LUZP2: variants seen among roughly 807,000 people sequenced by gnomAD.
LUZP2 encodes the protein leucine zipper protein 2.
A neutral mutation model predicts 51.6 loss-of-function variants in LUZP2; 52 were observed. That is an observed-to-expected ratio of 1.01 (90% CI 0.81 to 1.27). The LOEUF (loss-of-function observed/expected upper bound fraction) is 1.27, where lower values mean the gene tolerates loss of function less well. Ranked by LOEUF, LUZP2 falls within the 50% of genes most tolerant of loss-of-function variation. The pLI, the probability that LUZP2 is intolerant of heterozygous loss-of-function variation, is 0.00. For synonymous variants in LUZP2, 154 were observed against 137.3 expected, an observed-to-expected ratio of 1.12 and a Z score of -0.85; for missense variants, 436 against 395.4, an observed-to-expected ratio of 1.10 and a Z score of -0.87.
intron 5 of LUZP2, among the ~76,000 whole-genome samples, chr11:24,875,552 G>A (rs376148063): frequency 7.6e-5 from 11 of 145,554 alleles, no homozygotes; most frequent in Middle Eastern, 3.5e-3. Context: ...GAATAGTGCC[G>A]CAATAAACAT....
intron 10 of LUZP2, among the ~76,000 whole-genome samples, chr11:25,074,768 T>C (rs1420653833): frequency 1.3e-5 from 2 of 152,114 alleles, no homozygotes; most frequent in African/African-American, 4.8e-5. Flanking sequence ...ACCCCATATT[T>C]ATAGGACAGA....
intron 5 of LUZP2, among the ~76,000 whole-genome samples, chr11:24,805,839 G>T (rs1030935545): frequency 6.6e-6 from 1 of 152,168 alleles, no homozygotes; most frequent in Admixed American, 6.5e-5. Flanking sequence ...GCCAGTTGAG[G>T]ATGATGTAGG....
At chr11:24,935,684 A>T (rs915393064) in intron 7 of LUZP2, among the ~76,000 whole-genome samples, 8 of 152,170 alleles carry the variant, frequency 5.3e-5, no homozygotes, top group African/African-American at 1.9e-4. Flanking sequence ...AAAAAGAAAG[A>T]TTAGTGAAAA....
intron 10 of LUZP2, among the ~76,000 whole-genome samples, chr11:25,059,732 AG>A (rs1389323976): frequency 6.6e-6 from 1 of 152,196 alleles, no homozygotes; most frequent in African/African-American, 2.4e-5. Context: ...TAAACACAAA[AG>A]GAGGAGAGGA....
chr11:25,024,611 A>G (rs891949944), intron 9 of LUZP2, among the ~76,000 whole-genome samples: 25 of 152,160 alleles, frequency 1.6e-4, no homozygotes, highest in Admixed American at 1.0e-3. Flanking sequence ...GACCTCTTCA[A>G]GGAGAACTAC....
intron 9 of LUZP2, among the ~76,000 whole-genome samples, chr11:25,030,377 T>C (rs1857609232): frequency 6.6e-6 from 1 of 152,148 alleles, no homozygotes; most frequent in Admixed American, 6.6e-5. Flanking sequence ...TTTGCTCTTA[T>C]TAGCAATGCA....
intron 7 of LUZP2, among the ~76,000 whole-genome samples, chr11:24,959,061 T>A (rs1855304821): frequency 6.6e-6 from 1 of 152,194 alleles, no homozygotes; most frequent in Non-Finnish European, 1.5e-5. Context: ...GATGAGATAG[T>A]TATAGATGTG....
chr11:25,067,310 T>A (rs952554877), intron 10 of LUZP2, among the ~76,000 whole-genome samples: 5 of 152,092 alleles, frequency 3.3e-5, no homozygotes, highest in Admixed American at 3.3e-4. Flanking sequence ...TTGCAAAAAT[T>A]TTCTCCCATT....
At chr11:24,602,488 T>C (rs150165433) in intron 1 of LUZP2, among the ~76,000 whole-genome samples, 1 of 149,938 alleles carries the variant, frequency 6.7e-6, no homozygotes, top group Non-Finnish European at 1.5e-5. Flanking sequence ...AAAGTTAAAA[T>C]TGGACCTAAT....
chr11:24,918,673 GA>G (rs1853885172), intron 7 of LUZP2, among the ~76,000 whole-genome samples: 1 of 150,514 alleles, frequency 6.6e-6, no homozygotes, highest in Admixed American at 6.7e-5. Flanking sequence ...TATCATTGAA[GA>G]AAAATTTCAA....
chr11:24,523,618 A>T (rs894025451), intron 1 of LUZP2, among the ~76,000 whole-genome samples: 2 of 151,266 alleles, frequency 1.3e-5, no homozygotes, highest in African/African-American at 4.8e-5. Context: ...ATTTAGATTG[A>T]CTATTTAGCT....
At chr11:24,586,948 A>G (rs1278493708) in intron 1 of LUZP2, among the ~76,000 whole-genome samples, 1 of 152,096 alleles carries the variant, frequency 6.6e-6, no homozygotes, top group East Asian at 1.9e-4. Context: ...AAAAGTTTCT[A>G]CTCTTAGGTA....
intron 9 of LUZP2, among the ~76,000 whole-genome samples, chr11:24,991,971 C>G (rs1856360561): frequency 6.6e-6 from 1 of 151,798 alleles, no homozygotes; most frequent in African/African-American, 2.4e-5. Context: ...GATATTAGTC[C>G]TTTGTCAGAT....
intron 1 of LUZP2, among the ~76,000 whole-genome samples, chr11:24,618,577 A>G (rs1429161364): frequency 1.3e-5 from 2 of 152,148 alleles, no homozygotes; most frequent in African/African-American, 2.4e-5. Flanking sequence ...TGGAGCTTCT[A>G]CTTGTCTATA....
At chr11:24,834,133 T>C (rs1361148752) in intron 5 of LUZP2, among the ~76,000 whole-genome samples, 1 of 152,050 alleles carries the variant, frequency 6.6e-6, no homozygotes, top group Non-Finnish European at 1.5e-5. Flanking sequence ...AATGTGCAGG[T>C]TTTTTACATA....
intron 5 of LUZP2, among the ~76,000 whole-genome samples, chr11:24,816,005 TTA>T (rs1491539154): frequency 2.5e-5 from 2 of 78,890 alleles, no homozygotes; most frequent in African/African-American, 1.3e-4. Context: ...TCTTTTTTTT[TTA>T]AAAAAAAAAA....
chr11:24,920,076 T>A (rs1853986422), intron 7 of LUZP2, among the ~76,000 whole-genome samples: 1 of 151,846 alleles, frequency 6.6e-6, no homozygotes, highest in South Asian at 2.1e-4. Flanking sequence ...GTCACTTGAT[T>A]TTCTTTGCTT....
chr11:24,831,843 T>G (rs1379713718), intron 5 of LUZP2: 9 of 152,582 alleles, frequency 5.9e-5, no homozygotes, highest in Admixed American at 5.9e-4. Flanking sequence ...GCTAAGGGAC[T>G]ATTTGTAATA....
At chr11:24,886,509 C>A (rs1486686) in intron 5 of LUZP2, among the ~76,000 whole-genome samples, 10,022 of 152,194 alleles carry the variant, frequency 0.066, 1,078 homozygotes, top group African/African-American at 0.22. Context: ...CCAATCCTTT[C>A]TAGCTGGGAG....
Sources: allele counts gnomAD v4.1 joint callset (sites outside exome capture counted in the v4.1 genomes callset), GRCh38; gene constraint gnomAD v4.1.1; transcripts MANE v1.5; gene names NCBI Gene and HGNC (gene_info 2026-07-23, HGNC 2026-07-21).